ZFHX3: variants seen among roughly 807,000 people sequenced by gnomAD.
The protein encoded by ZFHX3 is zinc finger homeobox 3.
Under a neutral mutation model 279.1 loss-of-function variants are expected in ZFHX3, and 42 were observed. That is an observed-to-expected ratio of 0.15 (90% CI 0.12 to 0.19). The LOEUF (loss-of-function observed/expected upper bound fraction) is 0.19. Ranked by LOEUF, ZFHX3 falls within the 10% of genes least tolerant of loss-of-function variation. The pLI, the probability that ZFHX3 is intolerant of heterozygous loss-of-function variation, is 1.00. For missense variants in ZFHX3, 4,981 were observed against 4,754.0 expected (o/e 1.05, Z -1.40); for synonymous variants, 2,293 against 1,957.8 (o/e 1.17, Z -4.52).
intron 3 of ZFHX3, among the ~76,000 whole-genome samples, chr16:73,368,171 G>T (rs1187113792): frequency 6.6e-6 from 1 of 152,152 alleles, no homozygotes; most frequent in Admixed American, 6.5e-5. Context: ...GCACCCAGCT[G>T]CAAAGAAGGT....
chr16:72,857,982 C>G (rs1385383812), intron 4 of ZFHX3, among the ~76,000 whole-genome samples: 3 of 152,222 alleles, frequency 2.0e-5, no homozygotes, highest in Non-Finnish European at 4.4e-5. Context: ...GACCAGGGCC[C>G]GCTGCTCCTC....
intron 1 of ZFHX3, among the ~76,000 whole-genome samples, chr16:73,722,090 C>T (rs568460042): frequency 6.6e-6 from 1 of 152,288 alleles, no homozygotes; most frequent in African/African-American, 2.4e-5. Context: ...CATCCATTTG[C>T]TCATTCAGCA....
chr16:72,929,862 G>A (rs796417233), intron 3 of ZFHX3, among the ~76,000 whole-genome samples: 42 of 152,366 alleles, frequency 2.8e-4, no homozygotes, highest in African/African-American at 9.6e-4. Flanking sequence ...TCACATGGAT[G>A]TGCTGGGCTC....
intron 1 of ZFHX3, among the ~76,000 whole-genome samples, chr16:72,992,824 A>G (rs1349982750): frequency 6.6e-6 from 1 of 152,200 alleles, no homozygotes; most frequent in South Asian, 2.1e-4. Flanking sequence ...GGCACCAAAG[A>G]GCCTTCGAGG....
chr16:73,600,955 G>A (rs144171374), intron 2 of ZFHX3, among the ~76,000 whole-genome samples: 1,735 of 151,794 alleles, frequency 0.011, 17 homozygotes, highest in South Asian at 0.023. Flanking sequence ...CAAAGCAGGT[G>A]GTCAGTAAAT....
At chr16:72,803,627 C>T (rs1165288499) in intron 7 of ZFHX3, among the ~76,000 whole-genome samples, 1 of 152,180 alleles carries the variant, frequency 6.6e-6, no homozygotes, top group East Asian at 1.9e-4. Flanking sequence ...GAAAAAAGTT[C>T]TAAGGTTTGG....
intron 3 of ZFHX3, among the ~76,000 whole-genome samples, chr16:73,353,297 G>A (rs1212626748): frequency 6.6e-6 from 1 of 152,114 alleles, no homozygotes; most frequent in African/African-American, 2.4e-5. Context: ...TTTTCACCGA[G>A]TCCCCCTGGC....
rs1165213811 is a variant in ZFHX3 at position 72,794,460 on chromosome 16, G to A, written c.8222C>T (p.Ala2741Val). 6.2e-7 allele frequency: 1 copy of A among 1,614,168 alleles called. No homozygotes were observed. The change falls in exon 9 of 10, where the codon GCT becomes GTT. Residue 2741 changes from alanine to valine, a missense_variant. Physicochemically the swap from Ala to Val is moderately conservative, Grantham distance 64. Coordinates refer to ENST00000268489, the MANE Select transcript of ZFHX3 (RefSeq NM_006885.4). The surrounding 1 kb of genome is among the most constrained non-coding windows in gnomAD (Gnocchi z 4.2). ...RSRHWHEAKR[A>V]GYNLTLSAML... is the part of the protein sequence containing the mutation. ...CGCAGACAGAGTTAGGTTGTAGCCA[G>A]CTCTCTTGGCTTCATGCCAGTGACG...
intron 8 of ZFHX3, among the ~76,000 whole-genome samples, chr16:73,067,929 C>G (rs1453223482): frequency 6.6e-6 from 1 of 152,076 alleles, no homozygotes; most frequent in African/African-American, 2.4e-5. Flanking sequence ...ATTTAGCACC[C>G]CTAAAAAGTA....
chr16:73,766,678 A>G (rs1187938713), intron 1 of ZFHX3, among the ~76,000 whole-genome samples: 1 of 152,184 alleles, frequency 6.6e-6, no homozygotes, highest in African/African-American at 2.4e-5. Flanking sequence ...AGGTGAGTGG[A>G]AACATAACAG....
intron 8 of ZFHX3, among the ~76,000 whole-genome samples, chr16:73,077,911 T>C (rs1252439389): frequency 1.3e-5 from 2 of 152,190 alleles, no homozygotes; most frequent in Non-Finnish European, 2.9e-5. Context: ...TTCAAGTGAT[T>C]CTCCTGCCTC....
In ZFHX3 at chr16:72,784,352, G is replaced by A. The variant is rs1280368744; in HGVS notation, c.*2812C>T. ...TTAAAAGTTGAGGGGGGAGGGAAAA[G>A]GATAGAAATTGCACTATTACCAAGC... is the stretch of plus-strand genomic sequence containing the variant. On this transcript the variant is annotated 3_prime_UTR_variant, in exon 10 of 10. Transcript: ENST00000268489. The A allele has an allele frequency of 6.6e-6, 1 of 152,134 alleles. No homozygotes were observed. Among genetic ancestry groups the A allele is most frequent in the Admixed American group, 6.6e-5 (1 of 15,234 alleles). The allele number at this position is 152,134 out of a possible 1,614,324, so 9.4% of individuals were successfully genotyped here.
chr16:72,838,876 G>A (rs1038390797), intron 4 of ZFHX3, among the ~76,000 whole-genome samples: 10 of 152,116 alleles, frequency 6.6e-5, no homozygotes, highest in East Asian at 1.9e-4. Context: ...TCGCGGACTC[G>A]CCTGGTGGCT....
intron 3 of ZFHX3, among the ~76,000 whole-genome samples, chr16:73,329,364 C>T (rs1420838334): frequency 6.6e-6 from 1 of 152,242 alleles, no homozygotes; most frequent in Admixed American, 6.5e-5. Flanking sequence ...CTTGTGTCGA[C>T]TATATTTTCG....
chr16:73,048,643 A>T (rs1965389337), upstream of ZFHX3, among the ~76,000 whole-genome samples: 1 of 152,238 alleles, frequency 6.6e-6, no homozygotes, highest in Admixed American at 6.5e-5. Context: ...AACCGGAGCC[A>T]TCGCTCCCTG....
intron 5 of ZFHX3, among the ~76,000 whole-genome samples, chr16:73,217,186 T>C (rs2012242654): frequency 1.3e-5 from 2 of 152,210 alleles, no homozygotes; most frequent in African/African-American, 4.8e-5. Context: ...TGGGTCGATG[T>C]TATCGATCCT....
At chr16:73,457,762 G>A (rs1381550556) in intron 2 of ZFHX3, among the ~76,000 whole-genome samples, 1 of 152,126 alleles carries the variant, frequency 6.6e-6, no homozygotes, top group Non-Finnish European at 1.5e-5. Flanking sequence ...GCAACAGAGC[G>A]AGACTCCGTC....
chr16:72,970,707 T>A (rs982019239), intron 1 of ZFHX3, among the ~76,000 whole-genome samples: 6 of 152,198 alleles, frequency 3.9e-5, no homozygotes, highest in Admixed American at 3.9e-4. Flanking sequence ...CACTTATGTG[T>A]TTCCTTTGCC....
chr16:73,864,601 C>A (rs888125770), intron 1 of ZFHX3, among the ~76,000 whole-genome samples: 7 of 152,144 alleles, frequency 4.6e-5, no homozygotes, highest in African/African-American at 1.7e-4. Flanking sequence ...CGCCTGTAGT[C>A]CCAGCTACTT....
Sources: gnomAD v4.1 joint callset for allele counts (sites outside exome capture counted in the v4.1 genomes callset) on GRCh38, gnomAD v4.1.1 for gene constraint, Gnocchi (gnomAD v3.1) non-coding constraint, MANE v1.5 for transcripts, NCBI Gene and HGNC (gene_info 2026-07-23, HGNC 2026-07-21) for gene names.